CNTN1: variants seen among roughly 807,000 people sequenced by gnomAD.
CNTN1 encodes contactin-1.
In CNTN1, 38 loss-of-function variants were observed where a neutral mutation model predicts 126.4. That is an observed-to-expected ratio of 0.30 (90% CI 0.23 to 0.39). The LOEUF (loss-of-function observed/expected upper bound fraction) is 0.39. Ranked by LOEUF, CNTN1 falls within the 10% of genes least tolerant of loss-of-function variation. The pLI is 1.00. For missense variants in CNTN1, 1,009 were observed against 1,248.4 expected, an observed-to-expected ratio of 0.81 and a Z score of 2.89; for synonymous variants, 413 against 422.6, an observed-to-expected ratio of 0.98 and a Z score of 0.28.
chr12:40,787,509 A>G (rs1368806608), intron 1 of CNTN1, among the ~76,000 whole-genome samples: 2 of 152,168 alleles, frequency 1.3e-5, no homozygotes, highest in Non-Finnish European at 2.9e-5. Flanking sequence ...CACTTGTATT[A>G]GAATAAATTA....
chr12:40,927,184 A>G (rs1945725772), intron 6 of CNTN1, among the ~76,000 whole-genome samples: 1 of 152,112 alleles, frequency 6.6e-6, no homozygotes, highest in Non-Finnish European at 1.5e-5. Flanking sequence ...ATGTGCTGGC[A>G]CTTACTGAAA....
At chr12:40,807,999 G>A (rs1175195218) in intron 1 of CNTN1, among the ~76,000 whole-genome samples, 1 of 152,036 alleles carries the variant, frequency 6.6e-6, no homozygotes, top group Non-Finnish European at 1.5e-5. Context: ...TGTTTACTTA[G>A]ACAGTATAAC....
intron 15 of CNTN1, among the ~76,000 whole-genome samples, chr12:40,966,013 C>A (rs570356462): frequency 1.3e-5 from 2 of 150,932 alleles, no homozygotes; most frequent in East Asian, 3.9e-4. Context: ...CACACACACA[C>A]ACACACACAC....
intron 1 of CNTN1, among the ~76,000 whole-genome samples, chr12:40,753,078 A>G (rs1938465133): frequency 6.6e-6 from 1 of 151,892 alleles, no homozygotes; most frequent in Non-Finnish European, 1.5e-5. Context: ...GGGGTTGACC[A>G]CAATCCTGCC....
At chr12:41,030,924 G>A (rs1247580360) in intron 23 of CNTN1, among the ~76,000 whole-genome samples, 10 of 152,040 alleles carry the variant, frequency 6.6e-5, no homozygotes, top group Admixed American at 6.6e-4. Flanking sequence ...TACACTTAGT[G>A]GGCAGTTTCA....
chr12:40,751,023 A>C (rs1169825022), intron 1 of CNTN1, among the ~76,000 whole-genome samples: 1 of 152,122 alleles, frequency 6.6e-6, no homozygotes, highest in Non-Finnish European at 1.5e-5. Context: ...CACAGGAGGA[A>C]GAAAACAAAG....
chr12:40,716,871 T>C (rs1221848598), intron 1 of CNTN1, among the ~76,000 whole-genome samples: 1 of 152,182 alleles, frequency 6.6e-6, no homozygotes, highest in Non-Finnish European at 1.5e-5. Context: ...AACAGATAAA[T>C]ATAACCTGCT....
intron 1 of CNTN1, among the ~76,000 whole-genome samples, chr12:40,788,249 GC>G (rs1940099242): frequency 6.6e-6 from 1 of 152,006 alleles, no homozygotes; most frequent in African/African-American, 2.4e-5. Context: ...ACACACAGCC[GC>G]TATGGAAAAA....
At chr12:41,055,923 C>T (rs1592471431) in intron 23 of CNTN1, among the ~76,000 whole-genome samples, 2 of 152,222 alleles carry the variant, frequency 1.3e-5, no homozygotes, top group African/African-American at 4.8e-5. Flanking sequence ...GTACCTAGAT[C>T]TTCTTTTGAG....
chr12:40,866,361 G>T (rs1943299452), intron 1 of CNTN1, among the ~76,000 whole-genome samples: 1 of 152,052 alleles, frequency 6.6e-6, no homozygotes, highest in African/African-American at 2.4e-5. Flanking sequence ...AGTAGAAGTG[G>T]TGAAAGAGAC....
chr12:40,908,259 T>C (rs1348537902), intron 1 of CNTN1, 98 bp from the exon 2 acceptor site: 25 of 572,760 alleles, frequency 4.4e-5, no homozygotes, highest in Non-Finnish European at 2.5e-5. Context: ...CATTTCCAAT[T>C]TCCTTCCCTT....
intron 17 of CNTN1, among the ~76,000 whole-genome samples, chr12:41,013,258 G>C (rs11179482): frequency 0.1 from 15,402 of 152,110 alleles, 884 homozygotes; most frequent in Non-Finnish European, 0.13. Context: ...ATGTGGCTGA[G>C]AAAGAAAAGG....
intron 23 of CNTN1, 28 bp downstream of exon 23, chr12:41,029,247 A>G: frequency 1.2e-6 from 2 of 1,613,360 alleles, no homozygotes; most frequent in Non-Finnish European, 1.7e-6. Flanking sequence ...GACACATTTC[A>G]ACTAAGTACT....
intron 1 of CNTN1, among the ~76,000 whole-genome samples, chr12:40,821,129 C>T (rs148111686): frequency 1.1e-3 from 162 of 152,286 alleles, no homozygotes; most frequent in African/African-American, 3.7e-3. Context: ...CATAATGAGA[C>T]AGGTCTAATT....
chr12:40,723,761 G>T (rs865790523), intron 1 of CNTN1, among the ~76,000 whole-genome samples: 3 of 152,136 alleles, frequency 2.0e-5, no homozygotes, highest in South Asian at 2.1e-4. Flanking sequence ...ACATATTTCT[G>T]CTAGATATAG....
At chr12:40,705,533 CT>C (rs113042613) in intron 1 of CNTN1, among the ~76,000 whole-genome samples, 2,383 of 148,038 alleles carry the variant, frequency 0.016, 51 homozygotes, top group African/African-American at 0.047. Flanking sequence ...AGTAACATCT[CT>C]TTTTTTTTTA....
chr12:40,714,087 T>C (rs1941990816), intron 1 of CNTN1, among the ~76,000 whole-genome samples: 1 of 152,144 alleles, frequency 6.6e-6, no homozygotes. Context: ...TTGTTTGTGT[T>C]ATTCAGAAAA....
rs7957480 is a variant in CNTN1, at chr12:40,937,995, A to C, written c.1228+308A>C. On this transcript the variant is annotated intron_variant, in intron 11 of 23. Transcript: ENST00000551295. ...TACTGAATGGACACTTTAAAAAGATACCCAGATGATTTTAATACAAAGATA... is the reference window on the plus strand; with the variant it reads ...TACTGAATGGACACTTTAAAAAGATCCCCAGATGATTTTAATACAAAGATA... 0.17 allele frequency among the ~76,000 whole-genome samples: 26,408 copies of C among 152,114 alleles called. 2,279 individuals carry two copies. Among genetic ancestry groups the C allele is most frequent in the Middle Eastern group, 0.2 (60 of 294 alleles).
At position 40,859,087 on chromosome 12, in the gene CNTN1, A is replaced by T. The variant is rs1260743122; in HGVS notation, c.-76-49270A>T. ...CAGCAAACCACCATGGCACATGTTG[A>T]CCTATGTAACAGACCTGCACGTCCT... On this transcript the variant is annotated intron_variant, in intron 1 of 23. Coordinates refer to ENST00000551295, the MANE Select transcript of CNTN1 (RefSeq NM_001843.4). Among the ~76,000 whole-genome samples, 3 of 152,100 alleles carry T rather than the reference A, an allele frequency of 2.0e-5. No individual in the cohort carries two copies. In the East Asian group the frequency reaches 5.8e-4, roughly 29 times the overall value.
Sources: allele counts gnomAD v4.1 joint callset (sites outside exome capture counted in the v4.1 genomes callset), GRCh38; gene constraint gnomAD v4.1.1; transcripts MANE v1.5; gene names NCBI Gene and HGNC (gene_info 2026-07-23, HGNC 2026-07-21).